Variants in NEB observed in about 807,000 individuals in gnomAD.
The protein encoded by NEB is nebulin, also known as nemaline myopathy type 2.
A neutral mutation model predicts 952.2 loss-of-function variants in NEB; 512 were observed. The ratio of observed to expected loss-of-function variants is 0.54; its 90% CI spans 0.50 to 0.58. The LOEUF is 0.58. Among genes scored for constraint, NEB ranks in the 20% least tolerant of loss-of-function variants. The pLI, the probability that NEB is intolerant of heterozygous loss-of-function variation, is 0.00. For missense variants in NEB, 8,428 were observed against 9,231.1 expected (o/e 0.91, Z 3.56); for synonymous variants, 2,900 against 3,149.8 (o/e 0.92, Z 2.66).
chr2:151,601,081 A>AT (rs1245779320), intron 88 of NEB, among the ~76,000 whole-genome samples: 2 of 103,074 alleles, frequency 1.9e-5, no homozygotes, highest in African/African-American at 8.6e-5. Flanking sequence ...CTTTGTTGAA[A>AT]TTTTTTTTAT....
chr2:151,663,667 T>G lies in NEB; in HGVS notation c.5644A>C (p.Lys1882Gln), dbSNP rs993206152. 1 of 1,613,798 alleles carries G rather than the reference T, an allele frequency of 6.2e-7. No individual in the cohort carries two copies. Among genetic ancestry groups the G allele is most frequent in the Non-Finnish European group, 8.5e-7 (1 of 1,179,772 alleles). Reference protein sequence around the residue: ...PVDMLSVVAAKKSQEVATNAN... With the variant: ...PVDMLSVVAAQKSQEVATNAN... ...TTGGTGGCCACTTCCTGAGACTTCT[T>G]GGCTGCCACCACACTGAGCATGTCC... The change falls in exon 45 of 182, where the codon AAG becomes CAG. Residue 1882 changes from lysine (K) to glutamine (Q), a missense_variant. By Grantham distance (53) the Lys-to-Gln change is moderately conservative (BLOSUM62 1). Around this residue, in one of 11 missense-constraint regions of NEB, gnomAD observed 2,851 missense variants for 2,791.5 expected, o/e 1.02. Coordinates refer to ENST00000397345, the MANE Select transcript of NEB (RefSeq NM_001164508.2).
chr2:151,487,066 C>T (rs2051203081), intron 181 of NEB, among the ~76,000 whole-genome samples: 1 of 152,012 alleles, frequency 6.6e-6, no homozygotes, highest in Non-Finnish European at 1.5e-5. Context: ...TGCGCATGTG[C>T]GTGTGTGTGT....
intron 40 of NEB, 52 bp from the exon 41 acceptor site, chr2:151,666,453 T>A (rs138264765): frequency 0.012 from 18,380 of 1,529,628 alleles, 139 homozygotes; most frequent in Middle Eastern, 0.018. Flanking sequence ...AAGTCTGATA[T>A]AAACTGAATT....
At chr2:151,535,221 G>A (rs1226937570) in intron 142 of NEB, among the ~76,000 whole-genome samples, 1 of 152,152 alleles carries the variant, frequency 6.6e-6, no homozygotes, top group Non-Finnish European at 1.5e-5. Flanking sequence ...AGTAACAATG[G>A]CAATATCTTT....
chr2:151,512,705 T>C, intron 161 of NEB, 28 bp downstream of exon 161: 2 of 1,478,656 alleles, frequency 1.4e-6, no homozygotes, highest in Non-Finnish European at 9.5e-7. Context: ...TTGGGGTTTA[T>C]GAGTGATGGC....
Position 151,663,575 on chromosome 2 carries a change from G to C in NEB, c.5736C>G (p.Ala1912=), listed in dbSNP as rs1165165970. 1 of 1,610,102 alleles carries C rather than the reference G, an allele frequency of 6.2e-7. No homozygotes were observed. The highest frequency in any genetic ancestry group is 8.5e-7 in the Non-Finnish European group (1 of 1,177,018). Residue 1912 remains alanine, a synonymous_variant, in exon 45 of 182, where the codon GCC becomes GCG. Transcript: ENST00000397345. The part of the protein sequence containing the change: ...MLPDAMSFEL[A]KNMMQIQSDN... Reference sequence around the variant, plus strand: ...CACTTTGAATCTGCATCATATTTTTGGCCAATTCAAAGCTCATGGCATCAG... The same window carrying C: ...CACTTTGAATCTGCATCATATTTTTCGCCAATTCAAAGCTCATGGCATCAG...
intron 124 of NEB, among the ~76,000 whole-genome samples, chr2:151,558,568 A>G (rs1442629510): frequency 6.6e-6 from 1 of 152,246 alleles, no homozygotes; most frequent in Non-Finnish European, 1.5e-5. Flanking sequence ...GGCTAAAGTA[A>G]TAAAAACACC....
intron 64 of NEB, among the ~76,000 whole-genome samples, chr2:151,635,748 G>C (rs977619979): frequency 9.3e-5 from 14 of 150,394 alleles, no homozygotes; most frequent in Non-Finnish European, 2.1e-4. Context: ...TAGGTCAGCA[G>C]TCACCTCTGG....
chr2:151,733,435 G>GA (rs2099813588), intron 2 of NEB, among the ~76,000 whole-genome samples: 1 of 152,120 alleles, frequency 6.6e-6, no homozygotes, highest in Non-Finnish European at 1.5e-5. Flanking sequence ...ATTGTAAAAC[G>GA]AAATTGAGGT....
Position 151,644,567 on chromosome 2 carries a change from G to A in NEB, c.7545C>T (p.Tyr2515=), listed in dbSNP as rs776265168. Reference sequence around the variant, plus strand: ...TCTTCAGCTCCTCATAACCCATTCGGTAGAGTTTCTGTTAAGAAATGAAGA... The same window carrying A: ...TCTTCAGCTCCTCATAACCCATTCGATAGAGTTTCTGTTAAGAAATGAAGA... ...ANLINTSDKL[Y]RMGYEELKRK... is the part of the protein sequence containing the mutation. Residue 2515 remains tyrosine, a synonymous_variant, in exon 56 of 182, where the codon TAC becomes TAT. Coordinates refer to ENST00000397345, the MANE Select transcript of NEB (RefSeq NM_001164508.2). 2.9e-5 allele frequency: 46 copies of A among 1,612,252 alleles called. No individual in the cohort carries two copies. The East Asian group carries it at 8.5e-4, about 30-fold the overall frequency.
chr2:151,572,723 T>C (rs1033824001), intron 107 of NEB, among the ~76,000 whole-genome samples: 23 of 150,958 alleles, frequency 1.5e-4, no homozygotes, highest in African/African-American at 4.8e-4. Context: ...TTTTTTGTAT[T>C]TTTAGTAGAG....
At chr2:151,535,046 C>A (rs1369556179) in intron 142 of NEB, among the ~76,000 whole-genome samples, 1 of 152,154 alleles carries the variant, frequency 6.6e-6, no homozygotes, top group Non-Finnish European at 1.5e-5. Flanking sequence ...ACAACTTTAA[C>A]TATAAAACCA....
chr2:151,651,045 T>C (rs1341477559), intron 52 of NEB, among the ~76,000 whole-genome samples, 160 bp from the exon 53 acceptor site: 1 of 152,114 alleles, frequency 6.6e-6, no homozygotes, highest in Non-Finnish European at 1.5e-5. Flanking sequence ...TCAGCCTCCC[T>C]AGTAGCTGGG....
At chr2:151,544,024 T>C (rs766136577) in intron 135 of NEB, among the ~76,000 whole-genome samples, 5 of 152,220 alleles carry the variant, frequency 3.3e-5, no homozygotes, top group Non-Finnish European at 5.9e-5. Context: ...CCGCTCTCCA[T>C]GGTTTTTATT....
intron 9 of NEB, among the ~76,000 whole-genome samples, chr2:151,721,500 T>C (rs6741567): frequency 0.85 from 129,052 of 152,092 alleles, 55,721 homozygotes; most frequent in Middle Eastern, 0.94. Flanking sequence ...CCCATGCCCT[T>C]GGGACCACCA....
At position 151,540,464 on chromosome 2, in the gene NEB, A is replaced by G; in HGVS notation, c.20788-16T>C. The G allele has an allele frequency of 6.6e-7, 1 of 1,526,390 alleles. No homozygotes were observed. The highest frequency in any genetic ancestry group is 8.9e-7 in the Non-Finnish European group (1 of 1,123,468). 94.6% of individuals were successfully genotyped at this position (1,526,390 alleles called of 1,614,324 possible). On this transcript the variant is annotated splice_polypyrimidine_tract_variant and intron_variant, in intron 137 of 181. Coordinates refer to ENST00000397345, the MANE Select transcript of NEB (RefSeq NM_001164508.2). ...TGTACTTTTTCTGAGAAATAAATGC[A>G]GAAGAGAGAGACAAGCTTAAGTGTC...
rs766822645 is a variant in NEB, at chr2:151,656,245, T to G, written c.6403A>C (p.Thr2135Pro). ...AKDAQANITN[T>P]NYKHLIHKYI... ...TTGTGAATCAGGTGCTTGTAGTTAG[T>G]GTTGGTGATGTTGGCTTGGGCATCC... is the stretch of plus-strand genomic sequence containing the variant. Residue 2135 changes from threonine to proline, a missense_variant, in exon 49 of 182, where the codon ACT becomes CCT. Around this residue, in one of 11 missense-constraint regions of NEB, gnomAD observed 2,851 missense variants for 2,791.5 expected, o/e 1.02. Transcript: ENST00000397345. The G allele has an allele frequency of 6.2e-7, 1 of 1,613,536 alleles. No individual in the cohort carries two copies. The highest frequency in any genetic ancestry group is 1.1e-5 in the South Asian group (1 of 91,038).
chr2:151,535,192 G>A (rs2092867160), intron 142 of NEB, among the ~76,000 whole-genome samples: 2 of 152,196 alleles, frequency 1.3e-5, no homozygotes, highest in East Asian at 1.9e-4. Flanking sequence ...GGATACTTCT[G>A]TGCACCAATA....
At chr2:151,601,571 AACACCGGTAGTAT>A (rs2097539850) in intron 88 of NEB, among the ~76,000 whole-genome samples, 1 of 89,964 alleles carries the variant, frequency 1.1e-5, no homozygotes, top group Non-Finnish European at 2.1e-5. Flanking sequence ...TATTATAGGA[AACACCGGTAGTAT>A]ACACGCCACA....
Sources: allele counts gnomAD v4.1 joint callset (sites outside exome capture counted in the v4.1 genomes callset), GRCh38; gene constraint gnomAD v4.1.1; regional missense constraint gnomAD v4.1.1; transcripts MANE v1.5; gene names NCBI Gene and HGNC (gene_info 2026-07-23, HGNC 2026-07-21).